The following HIPK2 variants were observed in gnomAD, a reference collection of about 807,000 sequenced individuals.
HIPK2 encodes the protein homeodomain interacting protein kinase 2.
In HIPK2, 27 loss-of-function variants were observed where a neutral mutation model predicts 113.7. The ratio of observed to expected loss-of-function variants is 0.24; its 90% confidence interval spans 0.17 to 0.33. HIPK2 has a LOEUF of 0.33. HIPK2 is among the 10% of genes least tolerant of loss of function. HIPK2 has a pLI of 1.00. For missense variants in HIPK2, 1,257 were observed against 1,588.0 expected, an observed-to-expected ratio of 0.79 and a Z score of 3.54; for synonymous variants, 631 against 642.2, an observed-to-expected ratio of 0.98 and a Z score of 0.26.
chr7:139,649,627 C>T (rs1422710610), intron 2 of HIPK2, among the ~76,000 whole-genome samples: 1 of 151,976 alleles, frequency 6.6e-6, no homozygotes, highest in Admixed American at 6.6e-5. Context: ...GATACTGCTG[C>T]AGGAACAGGA....
intron 1 of HIPK2, among the ~76,000 whole-genome samples, chr7:139,730,507 T>C (rs1029151779): frequency 2.0e-5 from 3 of 152,036 alleles, no homozygotes; most frequent in Non-Finnish European, 2.9e-5. Context: ...ATTACAGGCA[T>C]GAGCCAACAT....
rs371209374 is a variant in HIPK2, at chr7:139,631,589, C to G, written c.1227+13G>C. 3.3e-5 allele frequency: 53 copies of G among 1,612,282 alleles called. No homozygotes were observed. The African/African-American group carries it at 6.5e-4, about 20-fold the overall frequency. ...AATGAGGTCTTGTGAATATCTGTGTCATCTGGACCCACCTGATCATACTCC... is the reference window on the plus strand; with the variant it reads ...AATGAGGTCTTGTGAATATCTGTGTGATCTGGACCCACCTGATCATACTCC... On this transcript the variant is annotated intron_variant, in intron 3 of 14. Coordinates refer to ENST00000406875, the MANE Select transcript of HIPK2 (RefSeq NM_022740.5). This position sits in a 1 kb window ranked among gnomAD's most constrained non-coding sequence, Gnocchi z 4.9.
At chr7:139,696,491 G>T (rs1794571812) in intron 2 of HIPK2, among the ~76,000 whole-genome samples, 1 of 152,112 alleles carries the variant, frequency 6.6e-6, no homozygotes, top group Non-Finnish European at 1.5e-5. Context: ...GCTGAGGGAG[G>T]GGGATGGCTT....
chr7:139,589,336 C>T (rs1417469556), intron 12 of HIPK2, among the ~76,000 whole-genome samples: 1 of 151,936 alleles, frequency 6.6e-6, no homozygotes, highest in African/African-American at 2.4e-5. Context: ...TACCTATAGA[C>T]CCAGATCTGG....
intron 1 of HIPK2, among the ~76,000 whole-genome samples, chr7:139,748,899 G>A (rs1207321516): frequency 6.6e-6 from 1 of 152,100 alleles, no homozygotes; most frequent in Non-Finnish European, 1.5e-5. Flanking sequence ...AGAAATTACT[G>A]GCTACTCAGC....
rs376752396 is a variant in HIPK2 at position 139,589,701 on chromosome 7, C to A, written c.2718-5637G>T. ...GTGACCTGTGAGAACTGAGGGCCAT[C>A]TCCTTGATGGAAACCCAACAGGTAG... On this transcript the variant is annotated intron_variant, in intron 12 of 14. Coordinates refer to ENST00000406875, the MANE Select transcript of HIPK2 (RefSeq NM_022740.5). Among the ~76,000 whole-genome samples, 49 of 152,350 alleles carry A rather than the reference C, an allele frequency of 3.2e-4. No homozygotes were observed. The South Asian group carries it at 0.01, about 32-fold the overall frequency.
chr7:139,736,455 C>T (rs185781951), intron 1 of HIPK2, among the ~76,000 whole-genome samples: 8 of 152,296 alleles, frequency 5.3e-5, no homozygotes, highest in African/African-American at 1.9e-4. Flanking sequence ...GTCAGGGTGG[C>T]CAAGGTGCTT....
intron 1 of HIPK2, among the ~76,000 whole-genome samples, chr7:139,767,754 C>CT (rs1172852848): frequency 6.6e-6 from 1 of 152,262 alleles, no homozygotes; most frequent in East Asian, 1.9e-4. Flanking sequence ...GAAATGCAAC[C>CT]ACCAGCCATA....
rs369637010 is a variant in HIPK2 at position 139,613,216 on chromosome 7, C to G, written c.2098G>C (p.Gly700Arg). Residue 700 changes from glycine to arginine, a missense_variant, in exon 9 of 15, where the codon GGT (glycine) becomes CGT (arginine). Physicochemically the swap from Gly to Arg is moderately radical, Grantham distance 125 (BLOSUM62 -2). Coordinates refer to ENST00000406875, the MANE Select transcript of HIPK2 (RefSeq NM_022740.5). This position sits in a 1 kb window ranked among gnomAD's most constrained non-coding sequence, Gnocchi z 4.2. ...PGAQPLQIQP[G>R]LLAQQAWPSG... is the part of the protein sequence containing the mutation. The stretch of plus-strand genomic sequence containing the variant: ...GAAAGAATTACCTGGGCAAGCAGAC[C>G]TGGTTGGATCTGAAGAGGCTGAGCT... 80 of 1,613,774 alleles carry G rather than the reference C, an allele frequency of 5.0e-5. No homozygotes were observed. Among genetic ancestry groups the G allele is most frequent in the Non-Finnish European group, 6.4e-5 (76 of 1,179,842 alleles).
chr7:139,710,068 C>CT (rs576918543), intron 2 of HIPK2, among the ~76,000 whole-genome samples: 31 of 150,496 alleles, frequency 2.1e-4, no homozygotes, highest in Non-Finnish European at 3.4e-4. Flanking sequence ...ATCCCCACAA[C>CT]TTTTTTTTTT....
At position 139,631,949 on chromosome 7, in the gene HIPK2, A is replaced by C. The variant is rs1025042174; in HGVS notation, c.1104-224T>G. On this transcript the variant is annotated intron_variant, in intron 2 of 14. Transcript: ENST00000406875. This position sits in a 1 kb window ranked among gnomAD's most constrained non-coding sequence, Gnocchi z 4.9. ...GGAAGGTTGGCTGAGATGAAGGATA[A>C]GTCTGTGTGTTTAGAACACACCTAC... 6.6e-6 allele frequency among the ~76,000 whole-genome samples: 1 copy of C among 152,202 alleles called. No individual in the cohort carries two copies. Among genetic ancestry groups the C allele is most frequent in the African/African-American group, 2.4e-5 (1 of 41,450 alleles).
intron 2 of HIPK2, among the ~76,000 whole-genome samples, chr7:139,701,818 T>C (rs1794717599): frequency 6.6e-6 from 1 of 152,128 alleles, no homozygotes; most frequent in South Asian, 2.1e-4. Flanking sequence ...GGGGCAGAAC[T>C]GGGTTTGGAG....
chr7:139,763,786 C>A (rs926059232), intron 1 of HIPK2, among the ~76,000 whole-genome samples: 1 of 152,240 alleles, frequency 6.6e-6, no homozygotes, highest in Non-Finnish European at 1.5e-5. Flanking sequence ...GTCATGCCTG[C>A]GCATGCGCAG....
intron 12 of HIPK2, among the ~76,000 whole-genome samples, chr7:139,594,084 G>T (rs770808506): frequency 1.3e-5 from 2 of 151,988 alleles, no homozygotes; most frequent in Admixed American, 6.6e-5. Context: ...GCTTGCCTTG[G>T]AGGCTCTGCC....
At chr7:139,712,131 C>T (rs773051817) in intron 2 of HIPK2, among the ~76,000 whole-genome samples, 3 of 152,144 alleles carry the variant, frequency 2.0e-5, no homozygotes, top group Non-Finnish European at 2.9e-5. Context: ...AACTGACCTT[C>T]GAATTGGAAG....
intron 10 of HIPK2, 92 bp from the exon 11 acceptor site, chr7:139,600,688 G>A: frequency 1.4e-6 from 2 of 1,407,570 alleles, no homozygotes; most frequent in Non-Finnish European, 1.9e-6. Context: ...ATTAAACGCT[G>A]ACTGCAGTTG....
At chr7:139,717,398 C>T (rs931654323) in intron 1 of HIPK2, among the ~76,000 whole-genome samples, 1 of 152,198 alleles carries the variant, frequency 6.6e-6, no homozygotes, top group South Asian at 2.1e-4. Flanking sequence ...TCACGTACTT[C>T]GTTGCCCACA....
chr7:139,636,199 T>C (rs1272073278), intron 2 of HIPK2, among the ~76,000 whole-genome samples: 1 of 152,026 alleles, frequency 6.6e-6, no homozygotes, highest in African/African-American at 2.4e-5. Context: ...GAAACACTTA[T>C]TCTTGGTTTT....
rs71170912 is a variant in HIPK2 at position 139,729,324 on chromosome 7, TGAGAGAGAGAGAGAGAGAGAGA to T, written c.20-12331_20-12310del. On this transcript the variant is annotated intron_variant, in intron 1 of 14. Coordinates refer to ENST00000406875, the MANE Select transcript of HIPK2 (RefSeq NM_022740.5). ...TGGGTGACAGAGTAGACCCTGTCTC[TGAGAGAGAGAGAGAGAGAGAGA>T]GAGAGAGAGAGAGAGAGAGAGAGAG... Among the ~76,000 whole-genome samples, 592 of 69,204 alleles carry T rather than the reference TGAGAGAGAGAGAGAGAGAGAGA, an allele frequency of 8.6e-3. 3 individuals carry two copies. The highest frequency in any genetic ancestry group is 0.014 in the African/African-American group (284 of 20,916). 45.4% of individuals were successfully genotyped at this position (69,204 alleles called of 152,430 possible).
Sources: allele counts gnomAD v4.1 joint callset (sites outside exome capture counted in the v4.1 genomes callset), GRCh38; gene constraint gnomAD v4.1.1; non-coding constraint Gnocchi (gnomAD v3.1); transcripts MANE v1.5; gene names NCBI Gene and HGNC (gene_info 2026-07-23, HGNC 2026-07-21).